The following ZNF566 variants were observed in gnomAD, a reference collection of about 807,000 sequenced individuals.
ZNF566 encodes zinc finger protein 566.
Under a neutral mutation model 32.8 loss-of-function variants are expected in ZNF566, and 27 were observed. That is an observed-to-expected ratio of 0.82 (90% CI 0.61 to 1.14). The LOEUF (loss-of-function observed/expected upper bound fraction) is 1.14, where lower values mean the gene tolerates loss of function less well. Ranked by LOEUF, ZNF566 falls within the 50% of genes most tolerant of loss-of-function variation. ZNF566 has a pLI of 0.00. For synonymous variants in ZNF566, 154 were observed against 159.5 expected (o/e 0.97, Z 0.26); for missense variants, 402 against 490.4 (o/e 0.82, Z 1.70).
At chr19:36,486,633 T>C (rs894319317) in intron 1 of ZNF566, among the ~76,000 whole-genome samples, 34 of 140,118 alleles carry the variant, frequency 2.4e-4, no homozygotes, top group Admixed American at 4.5e-4. Flanking sequence ...ATCATGCCAT[T>C]GCACTCCAGC....
At position 36,449,024 on chromosome 19, in the gene ZNF566, A is replaced by G. The variant is rs1281701491; in HGVS notation, c.1210T>C (p.Phe404Leu). Residue 404 changes from phenylalanine to leucine, a missense_variant, in exon 5 of 5, where the codon TTT becomes CTT. Physicochemically the swap from Phe to Leu is conservative, Grantham distance 22. This residue lies in a region of ZNF566 where 47 missense variants were observed against 38.5 expected (regional missense o/e 1.22). Coordinates refer to ENST00000452939, the MANE Select transcript of ZNF566 (RefSeq NM_001145344.1). The stretch of plus-strand genomic sequence containing the variant: ...TGAATAAGTTGTGGGTCATAATTAA[A>G]GTTCTTTCCACATTCCCTATATTCA... ...PYEYRECGKNFNYDPQLIQHQ... is the reference protein window; with the variant it reads ...PYEYRECGKNLNYDPQLIQHQ... The G allele has an allele frequency of 6.2e-7, 1 of 1,605,592 alleles. No homozygotes were observed. Among genetic ancestry groups the G allele is most frequent in the Non-Finnish European group, 8.5e-7 (1 of 1,177,444 alleles).
rs1476112665 is a variant in ZNF566 at position 36,449,807 on chromosome 19, C to G, written c.427G>C (p.Val143Leu). The G allele has an allele frequency of 6.2e-7, 1 of 1,614,118 alleles. No homozygotes were observed. The highest frequency in any genetic ancestry group is 1.1e-5 in the South Asian group (1 of 91,076). The part of the protein sequence containing the change: ...GSQGGHFNQL[V>L]FTHEDLPTLS... Reference sequence around the variant, plus strand: ...GTGGGCAGATCTTCATGAGTGAATACCAATTGATTGAAATGTCCCCCCTGA... The same window carrying G: ...GTGGGCAGATCTTCATGAGTGAATAGCAATTGATTGAAATGTCCCCCCTGA... The change falls in exon 5 of 5, where the codon GTA (valine) becomes CTA (leucine). Residue 143 changes from valine (V) to leucine (L), a missense_variant. Val to Leu is a conservative substitution (Grantham distance 32, BLOSUM62 1). Coordinates refer to ENST00000452939, the MANE Select transcript of ZNF566 (RefSeq NM_001145344.1).
intron 1 of ZNF566, among the ~76,000 whole-genome samples, chr19:36,477,699 C>T (rs894168620): frequency 6.6e-6 from 1 of 151,852 alleles, no homozygotes. Flanking sequence ...CCACCACGCC[C>T]GCCTAATTTT....
chr19:36,475,331 G>C (rs1049443622), intron 2 of ZNF566, among the ~76,000 whole-genome samples: 1 of 152,108 alleles, frequency 6.6e-6, no homozygotes, highest in Non-Finnish European at 1.5e-5. Context: ...GAGTCACCAC[G>C]TTTGGCCACT....
chr19:36,465,108 G>A (rs1235854501), intron 4 of ZNF566, among the ~76,000 whole-genome samples: 1 of 151,998 alleles, frequency 6.6e-6, no homozygotes, highest in Non-Finnish European at 1.5e-5. Context: ...ACATTATACA[G>A]AAGAGACACT....
At chr19:36,487,706 C>A (rs2034201727) in intron 1 of ZNF566, among the ~76,000 whole-genome samples, 1 of 151,914 alleles carries the variant, frequency 6.6e-6, no homozygotes. Context: ...TCAGGACTAG[C>A]TTTGCCAACA....
intron 4 of ZNF566, among the ~76,000 whole-genome samples, chr19:36,463,064 G>A (rs1354009155): frequency 6.6e-6 from 1 of 151,530 alleles, no homozygotes; most frequent in Non-Finnish European, 1.5e-5. Context: ...AGCACTTTGG[G>A]AGGCCAAGAT....
intron 4 of ZNF566, among the ~76,000 whole-genome samples, chr19:36,464,266 G>A (rs77184072): frequency 0.013 from 2,039 of 152,246 alleles, 50 homozygotes; most frequent in African/African-American, 0.047. Context: ...CTGAATATAT[G>A]ACAGAGGAGC....
At chr19:36,452,905 G>A (rs775664634) in intron 4 of ZNF566, among the ~76,000 whole-genome samples, 22 of 152,076 alleles carry the variant, frequency 1.4e-4, no homozygotes, top group Non-Finnish European at 2.6e-4. Context: ...AGATCACTAG[G>A]TCAGGAGTTC....
intron 4 of ZNF566, among the ~76,000 whole-genome samples, chr19:36,457,723 C>T (rs1157908955): frequency 6.6e-6 from 1 of 152,128 alleles, no homozygotes; most frequent in African/African-American, 2.4e-5. Flanking sequence ...GAAATCCCAT[C>T]TCTACTAAAA....
intron 1 of ZNF566, among the ~76,000 whole-genome samples, chr19:36,486,007 T>C (rs1212630450): frequency 6.6e-6 from 1 of 151,970 alleles, no homozygotes; most frequent in Admixed American, 6.6e-5. Flanking sequence ...TGAGCCAAGA[T>C]TGTGCCATTA....
chr19:36,468,589 G>A (rs2033685378), intron 4 of ZNF566, among the ~76,000 whole-genome samples: 1 of 151,670 alleles, frequency 6.6e-6, no homozygotes, highest in South Asian at 2.1e-4. Context: ...CTGGGCGACA[G>A]GACTAGACTC....
At chr19:36,471,514 C>T (rs1409980776) in intron 4 of ZNF566, among the ~76,000 whole-genome samples, 1 of 152,144 alleles carries the variant, frequency 6.6e-6, no homozygotes, top group Non-Finnish European at 1.5e-5. Flanking sequence ...CCGCCCAGTA[C>T]AGTAACTTAC....
At chr19:36,455,493 G>A (rs930407918) in intron 4 of ZNF566, among the ~76,000 whole-genome samples, 4 of 152,112 alleles carry the variant, frequency 2.6e-5, no homozygotes, top group South Asian at 2.1e-4. Context: ...TGTAATTCCC[G>A]CACTTTGGGA....
intron 2 of ZNF566, 27 bp from the exon 3 acceptor site, chr19:36,473,485 T>TTTA: frequency 6.6e-7 from 1 of 1,509,296 alleles, no homozygotes; most frequent in Non-Finnish European, 8.8e-7. Flanking sequence ...GTATATGACT[T>TTTA]CATTAATTTT....
In ZNF566 at chr19:36,463,484, C is replaced by T. The variant is rs73603967; in HGVS notation, c.232+9427G>A. ...TGTGGTCATGGCAAACATGATTTAA[C>T]GTAATAAAGATATCAGTTACTACTA... On this transcript the variant is annotated intron_variant, in intron 4 of 4. Transcript: ENST00000452939. Among the ~76,000 whole-genome samples, 539 of 149,488 alleles carry T rather than the reference C, an allele frequency of 3.6e-3. 1 individual carries two copies. The highest frequency in any genetic ancestry group is 0.013 in the African/African-American group (528 of 40,620).
At chr19:36,472,882 T>C (rs2033799928) in intron 4 of ZNF566, 29 bp downstream of exon 4, 1 of 1,574,884 alleles carries the variant, frequency 6.3e-7, no homozygotes, top group East Asian at 2.2e-5. Flanking sequence ...ACCAGCCAAA[T>C]CACGCATTAC....
At chr19:36,489,425 A>G (rs1333542518) in intron 1 of ZNF566, 61 bp downstream of exon 1, 5 of 301,502 alleles carry the variant, frequency 1.7e-5, no homozygotes, top group African/African-American at 8.9e-5. Context: ...CCACCGCCGC[A>G]CAAAGCCGAG....
At chr19:36,486,801 T>A (rs1410131774) in intron 1 of ZNF566, among the ~76,000 whole-genome samples, 1 of 151,542 alleles carries the variant, frequency 6.6e-6, no homozygotes, top group African/African-American at 2.4e-5. Context: ...CTGAACATCA[T>A]TTCACATCAA....
Sources: allele counts gnomAD v4.1 joint callset (sites outside exome capture counted in the v4.1 genomes callset), GRCh38; gene constraint gnomAD v4.1.1; regional missense constraint gnomAD v4.1.1; transcripts MANE v1.5; gene names NCBI Gene and HGNC (gene_info 2026-07-23, HGNC 2026-07-21).